Variants in ITGB6 observed in about 807,000 individuals in gnomAD.
The protein encoded by ITGB6 is integrin beta-6.
A neutral mutation model predicts 84.5 loss-of-function variants in ITGB6; 80 were observed. The observed-to-expected ratio is 0.95, with a 90% CI of 0.79 to 1.14. ITGB6 has a LOEUF of 1.14. ITGB6 is among the 50% of genes most tolerant of loss of function. The pLI, the probability that ITGB6 is intolerant of heterozygous loss-of-function variation, is 0.00. For synonymous variants in ITGB6, 383 were observed against 354.9 expected (o/e 1.08, Z -0.89); for missense variants, 1,006 against 968.0 (o/e 1.04, Z -0.52).
At chr2:160,102,862 C>T (rs1298183104) in intron 14 of ITGB6, among the ~76,000 whole-genome samples, 1 of 152,216 alleles carries the variant, frequency 6.6e-6, no homozygotes, top group African/African-American at 2.4e-5. Context: ...CTTGGTGTCC[C>T]TATCTGTTCC....
At chr2:160,194,755 C>A (rs1294190735) in intron 4 of ITGB6, among the ~76,000 whole-genome samples, 1 of 152,082 alleles carries the variant, frequency 6.6e-6, no homozygotes, top group African/African-American at 2.4e-5. Context: ...AGCAATCTGT[C>A]CTCCACCATC....
chr2:160,195,556 A>G lies in ITGB6; in HGVS notation c.406T>C (p.Tyr136His), dbSNP rs780364416. 2 of 1,614,142 alleles carry G rather than the reference A, an allele frequency of 1.2e-6. No individual in the cohort carries two copies. The highest frequency in any genetic ancestry group is 1.7e-5 in the Admixed American group (1 of 60,014). Residue 136 changes from tyrosine to histidine, a missense_variant, in exon 4 of 15, where the codon TAT becomes CAT. Tyr to His is a moderately conservative substitution (Grantham distance 83). Coordinates refer to ENST00000283249, the MANE Select transcript of ITGB6 (RefSeq NM_000888.5). ...RQTEDYPVDL[Y>H]YLMDLSASMD... ...GAGGCGGAGAGGTCCATGAGGTAAT[A>G]CAAATCCACCGGGTAGTCCTCAGTC...
At chr2:160,197,716 C>A (rs1444123577) in intron 2 of ITGB6, among the ~76,000 whole-genome samples, 1 of 152,248 alleles carries the variant, frequency 6.6e-6, no homozygotes, top group African/African-American at 2.4e-5. Context: ...CAAACTGTAA[C>A]TTCCCATGAT....
At chr2:160,149,447 T>C (rs1208199436) in intron 7 of ITGB6, among the ~76,000 whole-genome samples, 1 of 152,158 alleles carries the variant, frequency 6.6e-6, no homozygotes, top group Non-Finnish European at 1.5e-5. Context: ...ACCCCATCTG[T>C]AGGACACCAA....
intron 10 of ITGB6, among the ~76,000 whole-genome samples, chr2:160,131,776 G>A (rs768209215): frequency 2.6e-5 from 4 of 152,156 alleles, no homozygotes; most frequent in Non-Finnish European, 4.4e-5. Context: ...TTTCTAAATA[G>A]AATTTCTGTA....
At chr2:160,186,964 G>C (rs929879119) in intron 4 of ITGB6, among the ~76,000 whole-genome samples, 9 of 151,806 alleles carry the variant, frequency 5.9e-5, no homozygotes, top group Admixed American at 2.0e-4. Flanking sequence ...GGGCCTGTCG[G>C]GGGGGTGGGA....
At chr2:160,162,866 C>G (rs1199701625) in intron 7 of ITGB6, among the ~76,000 whole-genome samples, 1 of 152,154 alleles carries the variant, frequency 6.6e-6, no homozygotes, top group South Asian at 2.1e-4. Flanking sequence ...GTGATCCACC[C>G]ACCTCGGCCC....
intron 10 of ITGB6, among the ~76,000 whole-genome samples, chr2:160,135,387 C>T (rs1451695707): frequency 7.9e-4 from 119 of 150,284 alleles, no homozygotes; most frequent in African/African-American, 2.8e-3. Context: ...CAAACCACTG[C>T]TCAATGAAAT....
At chr2:160,141,856 C>G (rs1401961287) in intron 8 of ITGB6, 126 bp downstream of exon 8, 6 of 606,402 alleles carry the variant, frequency 9.9e-6, no homozygotes, top group Non-Finnish European at 1.7e-5. Context: ...TGCATTCATG[C>G]AGAGACTTTT....
chr2:160,144,652 G>A (rs954843578), intron 7 of ITGB6, among the ~76,000 whole-genome samples: 2 of 152,176 alleles, frequency 1.3e-5, no homozygotes, highest in African/African-American at 2.4e-5. Context: ...AACATCCTGA[G>A]AACCCCAGGA....
intron 14 of ITGB6, among the ~76,000 whole-genome samples, chr2:160,106,050 C>G (rs1219379371): frequency 1.3e-5 from 2 of 152,170 alleles, no homozygotes; most frequent in Non-Finnish European, 2.9e-5. Flanking sequence ...ACTCTCTTGG[C>G]TGAATTATTT....
intron 12 of ITGB6, among the ~76,000 whole-genome samples, chr2:160,119,841 C>G (rs1403101686): frequency 1.3e-5 from 2 of 152,102 alleles, no homozygotes; most frequent in Non-Finnish European, 2.9e-5. Flanking sequence ...ACAACCCCAT[C>G]AAAAAGTGGG....
At chr2:160,192,861 A>T (rs1686195151) in intron 4 of ITGB6, among the ~76,000 whole-genome samples, 1 of 152,122 alleles carries the variant, frequency 6.6e-6, no homozygotes, top group Non-Finnish European at 1.5e-5. Flanking sequence ...AAGAAATAAG[A>T]ATGGCAAATA....
intron 8 of ITGB6, 75 bp from the exon 9 acceptor site, chr2:160,138,274 T>C: frequency 7.2e-7 from 1 of 1,396,484 alleles, no homozygotes; most frequent in Non-Finnish European, 9.6e-7. Context: ...CCGTGAATCA[T>C]GTTCATTGAA....
intron 7 of ITGB6, among the ~76,000 whole-genome samples, chr2:160,145,544 A>T (rs538005237): frequency 1.3e-5 from 2 of 152,316 alleles, no homozygotes; most frequent in Non-Finnish European, 1.5e-5. Context: ...TAAGAAACCG[A>T]CAGAGAGCTA....
At chr2:160,114,219 T>A (rs1266923583) in intron 12 of ITGB6, among the ~76,000 whole-genome samples, 1 of 152,216 alleles carries the variant, frequency 6.6e-6, no homozygotes, top group African/African-American at 2.4e-5. Flanking sequence ...TTTTCATGAC[T>A]GTTACGGCTC....
chr2:160,103,083 A>C (rs1009065016), intron 14 of ITGB6, among the ~76,000 whole-genome samples: 1 of 152,196 alleles, frequency 6.6e-6, no homozygotes, highest in African/African-American at 2.4e-5. Flanking sequence ...GTATGTATGG[A>C]ATCCAGGTAC....
chr2:160,170,693 G>A (rs1330503983), intron 6 of ITGB6, among the ~76,000 whole-genome samples: 1 of 152,220 alleles, frequency 6.6e-6, no homozygotes, highest in East Asian at 1.9e-4. Context: ...TGAGTTTTGA[G>A]TACACAGGAA....
intron 4 of ITGB6, chr2:160,178,999 G>A (rs2105877204): frequency 6.6e-6 from 1 of 152,060 alleles, no homozygotes; most frequent in East Asian, 1.9e-4. Context: ...TCTAACAAAT[G>A]TTCATATTTT....
Sources: allele counts gnomAD v4.1 joint callset (sites outside exome capture counted in the v4.1 genomes callset), GRCh38; gene constraint gnomAD v4.1.1; transcripts MANE v1.5; gene names NCBI Gene and HGNC (gene_info 2026-07-23, HGNC 2026-07-21).